The following KLRG1 variants were observed in gnomAD, a reference collection of about 807,000 sequenced individuals.
KLRG1 encodes killer cell lectin like receptor G1, also known as killer cell lectin-like receptor subfamily G member 1.
A neutral mutation model predicts 21.8 loss-of-function variants in KLRG1; 16 were observed. That is an observed-to-expected ratio of 0.73 (90% CI 0.50 to 1.11). The LOEUF (loss-of-function observed/expected upper bound fraction) is 1.11, where lower values mean the gene tolerates loss of function less well. Among genes scored for constraint, KLRG1 ranks in the 50% most tolerant of loss-of-function variants. The pLI, the probability that KLRG1 is intolerant of heterozygous loss-of-function variation, is 0.00. For missense variants in KLRG1, 173 were observed against 218.3 expected, an observed-to-expected ratio of 0.79 and a Z score of 1.31; for synonymous variants, 69 against 75.9, an observed-to-expected ratio of 0.91 and a Z score of 0.47.
the KLRG1 span, chr12:9,197,094 A>G: frequency 6.2e-7 from 1 of 1,613,430 alleles, no homozygotes; most frequent in Non-Finnish European, 8.5e-7. Context: ...CACAGTTGCA[A>G]GTCCTGGGAC....
At chr12:9,108,006 G>A in the KLRG1 span, among the ~76,000 whole-genome samples, 1 of 151,928 alleles carries the variant, frequency 6.6e-6, no homozygotes, top group Non-Finnish European at 1.5e-5. Flanking sequence ...ACGCCCTCAA[G>A]TCTACCTAGG....
the KLRG1 span, chr12:9,027,703 A>C: frequency 1.7e-6 from 2 of 1,192,302 alleles, no homozygotes; most frequent in Non-Finnish European, 2.5e-6. Context: ...TAATTGCCAA[A>C]ATTCATTGTA....
chr12:8,964,887 T>C lies in KLRG1; in HGVS notation c.-156+14651T>C, dbSNP rs1455883288. Among the ~76,000 whole-genome samples the C allele has an allele frequency of 3.3e-5, 5 of 152,010 alleles. No individual in the cohort carries two copies. In the East Asian group the frequency reaches 9.7e-4, roughly 29 times the overall value. ...TGCCTTTTTTTGTTTTCCATTTGCT[T>C]GGTAGATCTTCCTCCATCCCTTTAT... On this transcript the variant is annotated intron_variant, in intron 1 of 4. Transcript: ENST00000539240.
At chr12:9,053,863 A>G in the KLRG1 span, among the ~76,000 whole-genome samples, 1 of 152,202 alleles carries the variant, frequency 6.6e-6, no homozygotes, top group African/African-American at 2.4e-5. Flanking sequence ...ACTGGTCTGA[A>G]GGACCCCATA....
the KLRG1 span, among the ~76,000 whole-genome samples, chr12:9,109,053 C>A: frequency 3.5e-5 from 5 of 142,780 alleles, no homozygotes; most frequent in Admixed American, 7.0e-5. Flanking sequence ...TGTGTGTGTG[C>A]AGTTTTGTCA....
At chr12:9,106,528 T>A in the KLRG1 span, 1 of 1,598,472 alleles carries the variant, frequency 6.3e-7, no homozygotes, top group African/African-American at 1.3e-5. Flanking sequence ...CAGTGTGAAG[T>A]TTCATTTCAT....
chr12:9,077,426 A>C, the KLRG1 span: 3 of 1,610,726 alleles, frequency 1.9e-6, no homozygotes, highest in Non-Finnish European at 2.5e-6. Context: ...CCTCCCTGTG[A>C]ATACGAGAGA....
At chr12:9,118,445 A>G in the KLRG1 span, among the ~76,000 whole-genome samples, 7 of 152,276 alleles carry the variant, frequency 4.6e-5, no homozygotes, top group African/African-American at 7.2e-5. Flanking sequence ...CTGACTAGTG[A>G]TAGGTACTGC....
intron 2 of KLRG1, among the ~76,000 whole-genome samples, chr12:8,994,878 G>A (rs1230317262): frequency 6.6e-6 from 1 of 152,146 alleles, no homozygotes; most frequent in Non-Finnish European, 1.5e-5. Context: ...TGTTCCTTCA[G>A]TTATAGTCAT....
chr12:9,152,038 CTGG>C, the KLRG1 span, among the ~76,000 whole-genome samples: 1 of 152,134 alleles, frequency 6.6e-6, no homozygotes, highest in Admixed American at 6.5e-5. Flanking sequence ...GTGCATTTCT[CTGG>C]TATCACATAT....
At chr12:9,071,048 G>C in the KLRG1 span, among the ~76,000 whole-genome samples, 3 of 151,926 alleles carry the variant, frequency 2.0e-5, no homozygotes, top group Non-Finnish European at 4.4e-5. Context: ...TTGAACTCCC[G>C]ACCTAAGGTA....
the KLRG1 span, among the ~76,000 whole-genome samples, chr12:9,051,077 C>A: frequency 6.6e-6 from 1 of 152,226 alleles, no homozygotes; most frequent in Non-Finnish European, 1.5e-5. Context: ...CTTGTAGTGC[C>A]TCTTCCTGCC....
chr12:8,967,403 T>C (rs1565537819), intron 1 of KLRG1, among the ~76,000 whole-genome samples: 2 of 152,178 alleles, frequency 1.3e-5, no homozygotes, highest in Non-Finnish European at 2.9e-5. Flanking sequence ...GACACCTGTT[T>C]TAATTTTTAA....
the KLRG1 span, chr12:9,070,338 A>C: frequency 2.5e-5 from 16 of 630,916 alleles, no homozygotes; most frequent in Middle Eastern, 6.1e-4. Context: ...CATTCATACA[A>C]ACACATGTGA....
At chr12:9,120,467 G>A in the KLRG1 span, among the ~76,000 whole-genome samples, 2 of 152,174 alleles carry the variant, frequency 1.3e-5, no homozygotes, top group Admixed American at 6.5e-5. Context: ...GAGAAATTAG[G>A]ATTAGGAGGT....
intron 1 of KLRG1, among the ~76,000 whole-genome samples, chr12:8,967,538 A>G (rs977084027): frequency 2.0e-5 from 3 of 151,922 alleles, no homozygotes; most frequent in African/African-American, 4.8e-5. Flanking sequence ...CTGTGGCAAC[A>G]TAGCGAGACT....
downstream of KLRG1, among the ~76,000 whole-genome samples, chr12:9,013,973 C>G (rs982985921): frequency 6.6e-6 from 1 of 152,086 alleles, no homozygotes; most frequent in African/African-American, 2.4e-5. Context: ...AGTTGACTTA[C>G]TGAAGAATGC....
chr12:9,165,958 C>T, the KLRG1 span: 1 of 1,446,894 alleles, frequency 6.9e-7, no homozygotes, highest in South Asian at 1.4e-5. Flanking sequence ...GATAATTATT[C>T]AGAACTTTTC....
At chr12:8,960,902 T>C (rs1293375941) in intron 1 of KLRG1, among the ~76,000 whole-genome samples, 1 of 152,138 alleles carries the variant, frequency 6.6e-6, no homozygotes, top group Non-Finnish European at 1.5e-5. Context: ...GGTAGTTAGG[T>C]TATTTGAGGG....
Sources: gnomAD v4.1 joint callset for allele counts (sites outside exome capture counted in the v4.1 genomes callset) on GRCh38, gnomAD v4.1.1 for gene constraint, MANE v1.5 for transcripts, NCBI Gene and HGNC (gene_info 2026-07-23, HGNC 2026-07-21) for gene names.